MYH11: variants seen among roughly 807,000 people sequenced by gnomAD.
MYH11 encodes myosin heavy chain 11, also known as myosin-11.
A neutral mutation model predicts 246.6 loss-of-function variants in MYH11; 80 were observed. The observed-to-expected ratio is 0.32, with a 90% CI of 0.27 to 0.39. The LOEUF is 0.39. Among genes scored for constraint, MYH11 ranks in the 10% least tolerant of loss-of-function variants. MYH11 has a pLI of 1.00. For synonymous variants in MYH11, 1,071 were observed against 1,015.5 expected, an observed-to-expected ratio of 1.05 and a Z score of -1.04; for missense variants, 2,158 against 2,546.8, an observed-to-expected ratio of 0.85 and a Z score of 3.29.
At chr16:15,823,500 G>A in intron 2 of MYH11, 89 bp from the exon 3 acceptor site, 1 of 1,528,462 alleles carries the variant, frequency 6.5e-7, no homozygotes, top group Non-Finnish European at 9.1e-7. Context: ...GTTAGAGATG[G>A]GGAAACTGGA....
rs546809550 is a variant in MYH11 at position 15,745,618 on chromosome 16, G to A, written c.2412-381C>T. On this transcript the variant is annotated intron_variant, in intron 19 of 40. Coordinates refer to ENST00000300036, the MANE Select transcript of MYH11 (RefSeq NM_002474.3). ...TTTTTTTTTTTTGAGATAGAGTTTC[G>A]CTCTTGTTGCCCAGGCTGGAGTGCG... Among the ~76,000 whole-genome samples the A allele has an allele frequency of 6.8e-5, 8 of 118,226 alleles. No individual in the cohort carries two copies. The South Asian group carries it at 1.5e-3, about 22-fold the overall frequency. 77.6% of individuals were successfully genotyped at this position (118,226 alleles called of 152,430 possible).
intron 40 of MYH11, among the ~76,000 whole-genome samples, chr16:15,706,873 G>T (rs980500757): frequency 6.6e-6 from 1 of 152,144 alleles, no homozygotes; most frequent in African/African-American, 2.4e-5. Context: ...GCCCTGGGCC[G>T]TTGAAGCTCC....
chr16:15,742,073 T>C, intron 20 of MYH11, 182 bp from the exon 21 acceptor site: 2 of 867,046 alleles, frequency 2.3e-6, no homozygotes, highest in South Asian at 1.5e-5. Context: ...TGGCATCCAG[T>C]GGGTAGAGGC....
At chr16:15,793,182 T>C (rs1397430476) in intron 4 of MYH11, among the ~76,000 whole-genome samples, 1 of 152,204 alleles carries the variant, frequency 6.6e-6, no homozygotes, top group Non-Finnish European at 1.5e-5. Flanking sequence ...GCCCATGGCC[T>C]CTAATTAAAC....
Position 15,708,837 on chromosome 16 carries a change from G to C in MYH11, c.5787-4714C>G, listed in dbSNP as rs2039614500. 5 of 1,610,012 alleles carry C rather than the reference G, an allele frequency of 3.1e-6. No homozygotes were observed. Among genetic ancestry groups the C allele is most frequent in the Non-Finnish European group, 3.4e-6 (4 of 1,178,470 alleles). ...CACTGCGAAGTTTCCTGTGGGGGGG[G>C]CCCTCTGAAACAGAGAGAGAATCCC... On this transcript the variant is annotated intron_variant, in intron 40 of 40. Coordinates refer to ENST00000300036, the MANE Select transcript of MYH11 (RefSeq NM_002474.3).
chr16:15,835,593 A>C (rs952931238), intron 2 of MYH11, among the ~76,000 whole-genome samples: 20 of 152,210 alleles, frequency 1.3e-4, no homozygotes, highest in African/African-American at 4.8e-4. Context: ...TGATGGAAGA[A>C]GAACATCTTA....
chr16:15,748,257 G>A, intron 16 of MYH11, 89 bp from the exon 17 acceptor site: 6 of 1,586,394 alleles, frequency 3.8e-6, no homozygotes, highest in Non-Finnish European at 5.1e-6. Context: ...TGACCCACCT[G>A]GCCAGGCCAT....
intron 3 of MYH11, among the ~76,000 whole-genome samples, chr16:15,804,540 T>C (rs2042965935): frequency 6.6e-6 from 1 of 151,776 alleles, no homozygotes; most frequent in Non-Finnish European, 1.5e-5. Flanking sequence ...GTAATAAAGA[T>C]AAAAAAATAA....
At chr16:15,775,154 T>C (rs550672497) in intron 8 of MYH11, among the ~76,000 whole-genome samples, 23 of 152,332 alleles carry the variant, frequency 1.5e-4, no homozygotes, top group African/African-American at 5.5e-4. Context: ...GATTTGTATA[T>C]ATTTTTAAGA....
chr16:15,704,151 T>G, intron 40 of MYH11, 28 bp from the exon 41 acceptor site: 1 of 1,613,262 alleles, frequency 6.2e-7, no homozygotes, highest in Non-Finnish European at 8.5e-7. Context: ...ACACATTATT[T>G]AGCAAAGAAA....
At chr16:15,726,645 G>T (rs576049606) in intron 28 of MYH11, 2 of 659,350 alleles carry the variant, frequency 3.0e-6, no homozygotes, top group Non-Finnish European at 5.3e-6. Context: ...TGGGATTACA[G>T]GCATGAGCCA....
At chr16:15,731,087 G>T (rs1320768920) in intron 27 of MYH11, among the ~76,000 whole-genome samples, 3 of 152,166 alleles carry the variant, frequency 2.0e-5, no homozygotes, top group Non-Finnish European at 4.4e-5. Context: ...CTCCCAAAGT[G>T]TTAGGATTAC....
intron 8 of MYH11, among the ~76,000 whole-genome samples, chr16:15,773,307 T>TTTTG (rs2042148599): frequency 6.7e-6 from 1 of 149,448 alleles, no homozygotes; most frequent in African/African-American, 2.5e-5. Flanking sequence ...TTTTTTTTTT[T>TTTTG]GAGAGGGAGT....
At chr16:15,760,496 G>A in intron 11 of MYH11, 44 bp downstream of exon 11, 1 of 1,369,160 alleles carries the variant, frequency 7.3e-7, no homozygotes, top group Non-Finnish European at 1.0e-6. Context: ...TGAATGGATG[G>A]ATGGGTGGGT....
At chr16:15,705,984 C>CAAAAAATAAA (rs2039428142) in intron 40 of MYH11, among the ~76,000 whole-genome samples, 1 of 56,768 alleles carries the variant, frequency 1.8e-5, no homozygotes, top group Non-Finnish European at 2.8e-5. Context: ...GACTCCGTCT[C>CAAAAAATAAA]AAAAAAAAAA....
intron 13 of MYH11, 64 bp from the exon 14 acceptor site, chr16:15,756,578 C>G: frequency 6.4e-7 from 1 of 1,569,330 alleles, no homozygotes; most frequent in Non-Finnish European, 8.8e-7. Flanking sequence ...CCATGAAGAG[C>G]TGGCCAACTA....
intron 3 of MYH11, among the ~76,000 whole-genome samples, chr16:15,800,335 G>A (rs1567184300): frequency 6.6e-6 from 1 of 151,840 alleles, no homozygotes; most frequent in South Asian, 2.1e-4. Flanking sequence ...TAGATGGACA[G>A]GTAGAGAGAC....
chr16:15,782,989 T>C (rs1362216403), intron 5 of MYH11: 1 of 165,844 alleles, frequency 6.0e-6, no homozygotes, highest in Non-Finnish European at 1.3e-5. Flanking sequence ...TGAAGTCTTC[T>C]ACAGCAGACA....
Position 15,732,654 on chromosome 16 carries a change from C to A in MYH11, c.3561G>T (p.Thr1187=), listed in dbSNP as rs139271438. Residue 1187 remains threonine, a synonymous_variant, in exon 27 of 41, where the codon ACG becomes ACT. Coordinates refer to ENST00000300036, the MANE Select transcript of MYH11 (RefSeq NM_002474.3). ...CCTGGACCTGAGCCTCATGGGACCG[C>A]GTCTCTTCATCCAGGGCCTTCTTCA... ...TVLKKALDEE[T]RSHEAQVQEM... 6.2e-7 allele frequency: 1 copy of A among 1,614,252 alleles called. No homozygotes were observed. Among genetic ancestry groups the A allele is most frequent in the Admixed American group, 1.7e-5 (1 of 60,026 alleles).
Sources: gnomAD v4.1 joint callset for allele counts (sites outside exome capture counted in the v4.1 genomes callset) on GRCh38, gnomAD v4.1.1 for gene constraint, MANE v1.5 for transcripts, NCBI Gene and HGNC (gene_info 2026-07-23, HGNC 2026-07-21) for gene names.